Variants in MIR2052HG observed in about 807,000 individuals in gnomAD.
The protein encoded by MIR2052HG is MIR2052 host gene.
intron 2 of MIR2052HG, among the ~76,000 whole-genome samples, chr8:74,659,259 A>T (rs1808837397): frequency 6.6e-6 from 1 of 152,226 alleles, no homozygotes; most frequent in Admixed American, 6.5e-5. Flanking sequence ...CAGCACTTTG[A>T]TGAGTAAAGT....
chr8:74,642,619 C>T (rs767166556), intron 2 of MIR2052HG, among the ~76,000 whole-genome samples: 20 of 152,030 alleles, frequency 1.3e-4, no homozygotes, highest in Admixed American at 5.2e-4. Flanking sequence ...TGGGAAATTG[C>T]AGTTGAATAC....
At chr8:74,741,902 C>T (rs1299001968) in intron 4 of MIR2052HG, among the ~76,000 whole-genome samples, 1 of 152,142 alleles carries the variant, frequency 6.6e-6, no homozygotes. Context: ...TGGGCTGAAA[C>T]AATAAGGCAG....
chr8:74,691,237 T>A (rs917167596), intron 2 of MIR2052HG, among the ~76,000 whole-genome samples: 5 of 152,198 alleles, frequency 3.3e-5, no homozygotes, highest in African/African-American at 1.2e-4. Context: ...TTGGGTGTAA[T>A]CACTGGCTCT....
intron 4 of MIR2052HG, among the ~76,000 whole-genome samples, chr8:74,748,128 T>A (rs757703369): frequency 5.9e-5 from 9 of 152,180 alleles, no homozygotes; most frequent in Non-Finnish European, 1.3e-4. Context: ...TGTTCAGAGG[T>A]ACTTTCTCCC....
chr8:74,719,345 A>G (rs1175984201), intron 4 of MIR2052HG, among the ~76,000 whole-genome samples: 1 of 152,140 alleles, frequency 6.6e-6, no homozygotes, highest in East Asian at 1.9e-4. Context: ...AATAATGGAG[A>G]TTGCATAGCG....
intron 2 of MIR2052HG, among the ~76,000 whole-genome samples, chr8:74,681,269 T>C (rs996524138): frequency 2.0e-4 from 30 of 152,108 alleles, no homozygotes; most frequent in Admixed American, 1.8e-3. Flanking sequence ...CAAATTGATC[T>C]TTAAATACAA....
intron 2 of MIR2052HG, among the ~76,000 whole-genome samples, chr8:74,655,354 C>T (rs1166305818): frequency 5.3e-5 from 8 of 152,282 alleles, no homozygotes; most frequent in South Asian, 4.1e-4. Context: ...GTCTTCATGG[C>T]AGTCCCTCCC....
At chr8:74,618,238 C>T (rs1808312482) in intron 2 of MIR2052HG, among the ~76,000 whole-genome samples, 1 of 152,208 alleles carries the variant, frequency 6.6e-6, no homozygotes, top group Admixed American at 6.5e-5. Flanking sequence ...ACCTGCTCAC[C>T]ATTTTCCGTC....
chr8:74,715,706 G>A lies in MIR2052HG; in HGVS notation n.371+12024G>A, dbSNP rs189750162. ...GGAGGGTGTAACTTGTCCCAGGCAA[G>A]GATATTGCTTGCCAGGAACAAATAG... On this transcript the variant is annotated intron_variant and non_coding_transcript_variant, in intron 4 of 6. Coordinates refer to ENST00000523442, the Ensembl canonical transcript of MIR2052HG. 1.4e-4 allele frequency among the ~76,000 whole-genome samples: 21 copies of A among 152,274 alleles called. 1 individual carries two copies. Among genetic ancestry groups the A allele is most frequent in the African/African-American group, 3.1e-4 (13 of 41,564 alleles).
chr8:74,612,251 G>A (rs994810137), intron 1 of MIR2052HG, among the ~76,000 whole-genome samples: 2 of 152,166 alleles, frequency 1.3e-5, no homozygotes, highest in African/African-American at 4.8e-5. Flanking sequence ...AATTACAAGT[G>A]AGAAAGTGGA....
At chr8:74,670,280 A>G (rs1268355155) in intron 2 of MIR2052HG, among the ~76,000 whole-genome samples, 1 of 151,972 alleles carries the variant, frequency 6.6e-6, no homozygotes. Flanking sequence ...GCACTTAACA[A>G]AAATATATTA....
intron 2 of MIR2052HG, among the ~76,000 whole-genome samples, chr8:74,627,192 T>G (rs1808448784): frequency 6.6e-6 from 1 of 152,218 alleles, no homozygotes; most frequent in Non-Finnish European, 1.5e-5. Context: ...ATACCTTTCC[T>G]TCAGGACACA....
chr8:74,655,487 G>A (rs1209860372), intron 2 of MIR2052HG, among the ~76,000 whole-genome samples: 3 of 152,186 alleles, frequency 2.0e-5, no homozygotes, highest in Non-Finnish European at 4.4e-5. Flanking sequence ...ATTGCTAAAA[G>A]GGGCCAAGGT....
chr8:74,719,973 C>T (rs553336781), intron 4 of MIR2052HG, among the ~76,000 whole-genome samples: 45 of 151,428 alleles, frequency 3.0e-4, no homozygotes, highest in African/African-American at 1.0e-3. Context: ...CTCAACCTCC[C>T]GAGTAGCTGG....
intron 2 of MIR2052HG, among the ~76,000 whole-genome samples, chr8:74,627,996 T>G (rs1465255548): frequency 6.6e-6 from 1 of 152,192 alleles, no homozygotes; most frequent in African/African-American, 2.4e-5. Context: ...ATAAGGATTG[T>G]GCTCTCCTTT....
At chr8:74,632,481 C>T (rs555473761) in intron 2 of MIR2052HG, 1 of 152,060 alleles carries the variant, frequency 6.6e-6, no homozygotes, top group South Asian at 2.1e-4. Context: ...TCCAAATCTT[C>T]TCTGAGGTGC....
chr8:74,600,751 T>A (rs1216883469), intron 1 of MIR2052HG, among the ~76,000 whole-genome samples: 1 of 151,960 alleles, frequency 6.6e-6, no homozygotes, highest in Non-Finnish European at 1.5e-5. Context: ...AATTTTTGTA[T>A]TTTTAGTAGA....
At chr8:74,612,105 G>C (rs555497554) in intron 1 of MIR2052HG, among the ~76,000 whole-genome samples, 7 of 152,178 alleles carry the variant, frequency 4.6e-5, no homozygotes, top group Admixed American at 4.6e-4. Flanking sequence ...CCCAGTGGCC[G>C]CATGACACCT....
intron 2 of MIR2052HG, among the ~76,000 whole-genome samples, chr8:74,664,140 C>T (rs558687388): frequency 1.0e-3 from 150 of 146,690 alleles, no homozygotes; most frequent in Non-Finnish European, 1.8e-3. Context: ...AGTGGGAAGG[C>T]GGTGTGTGAT....
Sources: gnomAD v4.1 joint callset for allele counts (sites outside exome capture counted in the v4.1 genomes callset) on GRCh38, gnomAD v4.1.1 for gene constraint, MANE v1.5 for transcripts, NCBI Gene and HGNC (gene_info 2026-07-23, HGNC 2026-07-21) for gene names.